The following DGCR2 variants were observed in gnomAD, a reference collection of about 807,000 sequenced individuals.
The protein encoded by DGCR2 is DiGeorge syndrome critical region gene 2, also known as integral membrane protein DGCR2/IDD.
In DGCR2, 24 loss-of-function variants were observed where a neutral mutation model predicts 51.6. The observed-to-expected ratio is 0.47, with a 90% CI of 0.34 to 0.65. The LOEUF (loss-of-function observed/expected upper bound fraction) is 0.65. Ranked by LOEUF, DGCR2 falls within the 30% of genes least tolerant of loss-of-function variation. The pLI, the probability that DGCR2 is intolerant of heterozygous loss-of-function variation, is 0.01. For synonymous variants in DGCR2, 340 were observed against 315.4 expected (o/e 1.08, Z -0.82); for missense variants, 765 against 772.1 (o/e 0.99, Z 0.11).
chr22:19,102,557 C>T (rs2800966), intron 1 of DGCR2, among the ~76,000 whole-genome samples: 62,495 of 151,768 alleles, frequency 0.41, 13,321 homozygotes, highest in African/African-American at 0.53. Context: ...AAAAAATTAG[C>T]CGGGCATGGT....
At chr22:19,071,391 T>C (rs1334187864) in intron 2 of DGCR2, among the ~76,000 whole-genome samples, 6 of 152,212 alleles carry the variant, frequency 3.9e-5, no homozygotes, top group African/African-American at 7.2e-5. Context: ...ATATTCACAA[T>C]AGTGATCAAA....
intron 7 of DGCR2, among the ~76,000 whole-genome samples, chr22:19,042,305 G>A (rs903107839): frequency 6.6e-6 from 1 of 152,184 alleles, no homozygotes; most frequent in South Asian, 2.1e-4. Context: ...TGTACCCCAG[G>A]TGTGGCTGGG....
intron 2 of DGCR2, among the ~76,000 whole-genome samples, chr22:19,073,022 T>C (rs544805940): frequency 1.4e-4 from 22 of 152,296 alleles, no homozygotes; most frequent in African/African-American, 5.1e-4. Context: ...TTTGGGAGGC[T>C]GAGGCAGGAG....
rs372679635 is a variant in DGCR2, at chr22:19,076,952, G to A, written c.203-8727C>T. ...TCACCGTGTTAGCCAGGATGGTCTC[G>A]ATCTCCTGACCTTGTGATCCGCCGG... On this transcript the variant is annotated intron_variant, in intron 2 of 9. Transcript: ENST00000263196. Among the ~76,000 whole-genome samples the A allele has an allele frequency of 3.6e-4, 55 of 151,844 alleles. 1 individual carries two copies. The East Asian group carries it at 9.8e-3, about 27-fold the overall frequency.
At chr22:19,091,213 G>A (rs2083074731) in intron 1 of DGCR2, among the ~76,000 whole-genome samples, 1 of 152,114 alleles carries the variant, frequency 6.6e-6, no homozygotes, top group Non-Finnish European at 1.5e-5. Flanking sequence ...CAAAAAATTA[G>A]CCGGGTATTG....
At chr22:19,048,319 TTGC>T in intron 7 of DGCR2, 118 bp downstream of exon 7, 1 of 1,037,030 alleles carries the variant, frequency 9.6e-7, no homozygotes, top group Non-Finnish European at 1.4e-6. Context: ...AACGCTGCCA[TTGC>T]TGCTGCGCGA....
intron 1 of DGCR2, among the ~76,000 whole-genome samples, chr22:19,095,131 G>A (rs1025061224): frequency 6.6e-6 from 1 of 152,184 alleles, no homozygotes; most frequent in African/African-American, 2.4e-5. Flanking sequence ...GGGAGGCTGA[G>A]GTGAATGGAT....
intron 2 of DGCR2, 95 bp from the exon 3 acceptor site, chr22:19,068,320 G>GCTC: frequency 7.3e-7 from 1 of 1,363,626 alleles, no homozygotes; most frequent in African/African-American, 1.5e-5. Flanking sequence ...CTGCAAGGCC[G>GCTC]GAGGGGGGGC....
intron 1 of DGCR2, among the ~76,000 whole-genome samples, chr22:19,120,515 C>T (rs2083420746): frequency 6.6e-6 from 1 of 152,214 alleles, no homozygotes; most frequent in African/African-American, 2.4e-5. Flanking sequence ...CCCACAGGCA[C>T]TTTCTCAGTT....
rs901579008 is a variant in DGCR2 at position 19,122,250 on chromosome 22, C to G, written c.-44G>C. 3 of 1,424,030 alleles carry G rather than the reference C, an allele frequency of 2.1e-6. No homozygotes were observed. 88.2% of individuals were successfully genotyped at this position (1,424,030 alleles called of 1,614,324 possible). A position where few individuals can be genotyped will look rare whatever the true frequency, so the allele number is the denominator to read the frequency against. On this transcript the variant is annotated 5_prime_UTR_variant, in exon 1 of 10. Transcript: ENST00000263196. ...CCCCGGGGCGGCTGGAAGGCCGGAC[C>G]AGGCCGGACTGAGGGTCAGGGGACC...
intron 1 of DGCR2, among the ~76,000 whole-genome samples, chr22:19,105,404 G>A (rs1379418424): frequency 1.3e-5 from 2 of 152,160 alleles, no homozygotes; most frequent in African/African-American, 4.8e-5. Context: ...ATTGCTCGGT[G>A]ACCTTCTAAA....
At position 19,063,221 on chromosome 22, in the gene DGCR2, G is replaced by A. The variant is rs751394776; in HGVS notation, c.606C>T (p.Arg202=). Residue 202 remains arginine (R), a synonymous_variant, in exon 5 of 10, where the codon CGC becomes CGT. Coordinates refer to ENST00000263196, the MANE Select transcript of DGCR2 (RefSeq NM_005137.3). ...GCTCACCTTTGAATGCCACCTCCCA[G>A]CGACCTTCCAAGGAGCGGTTCCGGC... ...ITGRNRSLEG[R]WEVAFKGSSE... The A allele has an allele frequency of 3.5e-5, 56 of 1,614,082 alleles. No homozygotes were observed. Among genetic ancestry groups the A allele is most frequent in the Non-Finnish European group, 4.6e-5 (54 of 1,180,044 alleles).
rs2082370559 is a variant in DGCR2, at chr22:19,036,525, G to C, written c.*2340C>G. On this transcript the variant is annotated 3_prime_UTR_variant, in exon 10 of 10. Coordinates refer to ENST00000263196, the MANE Select transcript of DGCR2 (RefSeq NM_005137.3). ...GAGGACCCCTGGAGCACAAGGTTCA[G>C]CAAGGGTGACCCCGGGACTTGCTGG... The C allele has an allele frequency of 6.6e-6, 1 of 152,500 alleles. No homozygotes were observed. Among genetic ancestry groups the C allele is most frequent in the African/African-American group, 2.4e-5 (1 of 41,460 alleles). The allele number at this position is 152,500 out of a possible 1,614,324, so 9.4% of individuals were successfully genotyped here.
chr22:19,089,721 C>T (rs1216301270), intron 1 of DGCR2, among the ~76,000 whole-genome samples: 1 of 152,236 alleles, frequency 6.6e-6, no homozygotes, highest in Non-Finnish European at 1.5e-5. Context: ...GCTGGAATTA[C>T]AAGCATGTGT....
intron 1 of DGCR2, among the ~76,000 whole-genome samples, chr22:19,105,386 G>C (rs1024392415): frequency 2.6e-5 from 4 of 152,178 alleles, no homozygotes; most frequent in African/African-American, 9.6e-5. Context: ...AGACAAAACA[G>C]AGGGCATATT....
In DGCR2 at chr22:19,083,475, C is replaced by T. The variant is rs115722899; in HGVS notation, c.202+5893G>A. Among the ~76,000 whole-genome samples the T allele has an allele frequency of 7.7e-3, 1,174 of 152,328 alleles. 20 individuals carry two copies. Among genetic ancestry groups the T allele is most frequent in the African/African-American group, 0.026 (1,095 of 41,558 alleles). On this transcript the variant is annotated intron_variant, in intron 2 of 9. Coordinates refer to ENST00000263196, the MANE Select transcript of DGCR2 (RefSeq NM_005137.3). ...TTTAGAATCGACTTATCGCATTTCACATAAAACTCACGGAGCTTTAAAGAT... is the reference window on the plus strand; with the variant it reads ...TTTAGAATCGACTTATCGCATTTCATATAAAACTCACGGAGCTTTAAAGAT...
At chr22:19,102,842 C>T (rs1386009345) in intron 1 of DGCR2, among the ~76,000 whole-genome samples, 1 of 151,766 alleles carries the variant, frequency 6.6e-6, no homozygotes, top group African/African-American at 2.4e-5. Flanking sequence ...CTCATCTCCA[C>T]AAAAAATAGA....
intron 1 of DGCR2, among the ~76,000 whole-genome samples, chr22:19,112,237 C>T (rs753589793): frequency 6.7e-6 from 1 of 149,082 alleles, no homozygotes; most frequent in Non-Finnish European, 1.5e-5. Flanking sequence ...CGCACCACTG[C>T]ACTCCAGCCT....
At chr22:19,116,402 T>G (rs2083373847) in intron 1 of DGCR2, among the ~76,000 whole-genome samples, 1 of 152,232 alleles carries the variant, frequency 6.6e-6, no homozygotes, top group African/African-American at 2.4e-5. Context: ...TTGACTAAAC[T>G]TCCCAGGACA....
Sources: gnomAD v4.1 joint callset for allele counts (sites outside exome capture counted in the v4.1 genomes callset) on GRCh38, gnomAD v4.1.1 for gene constraint, MANE v1.5 for transcripts, NCBI Gene and HGNC (gene_info 2026-07-23, HGNC 2026-07-21) for gene names.